Variants in SRRM4 observed in about 807,000 individuals in gnomAD.
SRRM4 encodes serine/arginine repetitive matrix 4, also known as serine/arginine repetitive matrix protein 4.
A neutral mutation model predicts 68.9 loss-of-function variants in SRRM4; 33 were observed. The ratio of observed to expected loss-of-function variants is 0.48; its 90% confidence interval spans 0.36 to 0.64. SRRM4 has a LOEUF of 0.64. SRRM4 is among the 30% of genes least tolerant of loss of function. The probability of loss-of-function intolerance (pLI) is 0.00; values close to 1 mark genes in which losing one functional copy is unlikely to be tolerated. For missense variants in SRRM4, 817 were observed against 827.1 expected (o/e 0.99, Z 0.15); for synonymous variants, 318 against 318.8 (o/e 1.00, Z 0.03).
intron 7 of SRRM4, among the ~76,000 whole-genome samples, chr12:119,130,144 G>A (rs1954286473): frequency 6.6e-6 from 1 of 151,752 alleles, no homozygotes; most frequent in South Asian, 2.1e-4. Flanking sequence ...TGGATGAACG[G>A]ATGGATGGAT....
intron 1 of SRRM4, among the ~76,000 whole-genome samples, chr12:119,088,613 G>A (rs1413707576): frequency 6.6e-6 from 1 of 151,864 alleles, no homozygotes; most frequent in Non-Finnish European, 1.5e-5. Context: ...ATGTCTTGGA[G>A]GGATTCACAA....
Position 119,048,808 on chromosome 12 carries a change from C to T in SRRM4, c.132-53428C>T, listed in dbSNP as rs138473725. Among the ~76,000 whole-genome samples, 142 of 152,162 alleles carry T rather than the reference C, an allele frequency of 9.3e-4. 1 individual carries two copies. Among genetic ancestry groups the T allele is most frequent in the African/African-American group, 2.6e-3 (108 of 41,502 alleles). On this transcript the variant is annotated intron_variant, in intron 1 of 12. Coordinates refer to ENST00000267260, the MANE Select transcript of SRRM4 (RefSeq NM_194286.4). The stretch of plus-strand genomic sequence containing the variant: ...GGCATGGTAGCACTTGCCTATAGTC[C>T]GAGTACTCAGGAGGCTGAGGCAGGA...
At position 119,158,678 on chromosome 12, in the gene SRRM4, T is replaced by G. The variant is rs1424830407; in HGVS notation, c.*1880T>G. Reference sequence around the variant, plus strand: ...CCCCGGGGAGGGCAAGTACAGCCACTGTAAATAACCCTCGTCCCTGCCCAG... The same window carrying G: ...CCCCGGGGAGGGCAAGTACAGCCACGGTAAATAACCCTCGTCCCTGCCCAG... On this transcript the variant is annotated 3_prime_UTR_variant, in exon 13 of 13. Transcript: ENST00000267260. The G allele has an allele frequency of 6.6e-6, 1 of 152,454 alleles. No individual in the cohort carries two copies. Among genetic ancestry groups the G allele is most frequent in the Non-Finnish European group, 1.5e-5 (1 of 68,066 alleles). The allele number at this position is 152,454 out of a possible 1,614,324, so 9.4% of individuals were successfully genotyped here.
At chr12:119,112,950 C>T (rs550943982) in intron 2 of SRRM4, among the ~76,000 whole-genome samples, 12 of 151,718 alleles carry the variant, frequency 7.9e-5, no homozygotes, top group Non-Finnish European at 1.5e-4. Context: ...AAATGTAGCC[C>T]GGAATGTACA....
intron 1 of SRRM4, among the ~76,000 whole-genome samples, chr12:119,018,648 G>A (rs574450226): frequency 5.3e-5 from 8 of 152,116 alleles, no homozygotes; most frequent in Non-Finnish European, 1.2e-4. Flanking sequence ...AGAGAGAAAA[G>A]CATTTGTTCA....
In SRRM4 at chr12:119,156,507, C is replaced by T. The variant is rs374782981; in HGVS notation, c.1545C>T (p.Arg515=). Residue 515 remains arginine, a synonymous_variant, in exon 13 of 13, where the codon CGC becomes CGT. Transcript: ENST00000267260. ...CTGGTCTCTGCAGTGCCCGGAAACG[C>T]CCCATCCCCTACTATCGGCCCAGCC... is the stretch of plus-strand genomic sequence containing the variant. ...EARRITSARK[R]PIPYYRPSPS... 4.9e-5 allele frequency: 79 copies of T among 1,606,888 alleles called. No homozygotes were observed. The highest frequency in any genetic ancestry group is 6.5e-5 in the Non-Finnish European group (77 of 1,176,938).
At chr12:119,073,145 T>C (rs2136027082) in intron 1 of SRRM4, among the ~76,000 whole-genome samples, 1 of 152,176 alleles carries the variant, frequency 6.6e-6, no homozygotes, top group East Asian at 1.9e-4. Context: ...GGAACTAGAT[T>C]GCCAAATGAA....
intron 1 of SRRM4, among the ~76,000 whole-genome samples, chr12:118,998,192 A>G (rs1953360827): frequency 6.7e-6 from 1 of 148,440 alleles, no homozygotes; most frequent in South Asian, 2.2e-4. Flanking sequence ...AAAAGTGTTC[A>G]GAAAGGAAAG....
intron 1 of SRRM4, among the ~76,000 whole-genome samples, chr12:119,044,370 C>A (rs917014776): frequency 6.6e-6 from 1 of 152,184 alleles, no homozygotes; most frequent in African/African-American, 2.4e-5. Context: ...CGGGCTTGGG[C>A]AGGTACAGAC....
chr12:119,041,280 G>T (rs1355278967), intron 1 of SRRM4, among the ~76,000 whole-genome samples: 2 of 152,108 alleles, frequency 1.3e-5, no homozygotes, highest in African/African-American at 4.8e-5. Context: ...TAGATGGTAG[G>T]TTGGAGTCAC....
chr12:119,029,665 A>G (rs146671036), intron 1 of SRRM4, among the ~76,000 whole-genome samples: 172 of 152,328 alleles, frequency 1.1e-3, no homozygotes, highest in African/African-American at 3.4e-3. Context: ...TTTCTCAGGG[A>G]AAGAAAATGT....
intron 1 of SRRM4, among the ~76,000 whole-genome samples, chr12:119,060,556 A>G (rs1183874416): frequency 6.6e-6 from 1 of 151,770 alleles, no homozygotes; most frequent in African/African-American, 2.4e-5. Flanking sequence ...TATGGCAGTC[A>G]GGTCTCTGAG....
intron 1 of SRRM4, among the ~76,000 whole-genome samples, chr12:119,040,618 T>C (rs1020664779): frequency 2.0e-5 from 3 of 152,236 alleles, no homozygotes; most frequent in African/African-American, 7.2e-5. Flanking sequence ...GTTGGTTCTA[T>C]GATTTTGCAA....
At chr12:118,990,141 G>C (rs1953307419) in intron 1 of SRRM4, among the ~76,000 whole-genome samples, 1 of 152,206 alleles carries the variant, frequency 6.6e-6, no homozygotes, top group African/African-American at 2.4e-5. Flanking sequence ...GAAAACAGAG[G>C]CTCTGAGAAT....
chr12:118,983,579 A>G (rs1321124646), intron 1 of SRRM4, among the ~76,000 whole-genome samples: 2 of 152,216 alleles, frequency 1.3e-5, no homozygotes, highest in Non-Finnish European at 2.9e-5. Context: ...GCACTGGCCA[A>G]AGAAAATGCC....
At chr12:119,041,763 C>T (rs1040746034) in intron 1 of SRRM4, among the ~76,000 whole-genome samples, 2 of 152,146 alleles carry the variant, frequency 1.3e-5, no homozygotes, top group African/African-American at 4.8e-5. Flanking sequence ...TGTTGAGACT[C>T]CTATTTTTAG....
intron 10 of SRRM4, 94 bp from the exon 11 acceptor site, chr12:119,153,445 C>G (rs1954451365): frequency 2.5e-6 from 2 of 793,084 alleles, no homozygotes; most frequent in South Asian, 3.4e-5. Context: ...AAAAAGGTCA[C>G]TGCCCAGGGA....
chr12:119,142,793 G>A (rs559638951), intron 8 of SRRM4, among the ~76,000 whole-genome samples: 7 of 152,284 alleles, frequency 4.6e-5, no homozygotes, highest in South Asian at 2.1e-4. Context: ...GCCAGAGATC[G>A]CAGATCTCAG....
At chr12:119,056,820 A>C (rs1354851666) in intron 1 of SRRM4, among the ~76,000 whole-genome samples, 1 of 151,908 alleles carries the variant, frequency 6.6e-6, no homozygotes, top group Non-Finnish European at 1.5e-5. Context: ...TTTTTCCCAG[A>C]GCACTTATTT....
Sources: allele counts gnomAD v4.1 joint callset (sites outside exome capture counted in the v4.1 genomes callset), GRCh38; gene constraint gnomAD v4.1.1; transcripts MANE v1.5; gene names NCBI Gene and HGNC (gene_info 2026-07-23, HGNC 2026-07-21).